SERPINB8: variants seen among roughly 807,000 people sequenced by gnomAD.
SERPINB8 encodes the protein serpin family B member 8, also known as serpin B8.
Under a neutral mutation model 35.3 loss-of-function variants are expected in SERPINB8, and 25 were observed. That is an observed-to-expected ratio of 0.71 (90% confidence interval 0.52 to 0.99). The LOEUF (loss-of-function observed/expected upper bound fraction) is 0.99, where lower values mean the gene tolerates loss of function less well. Ranked by LOEUF, SERPINB8 falls within the 50% of genes least tolerant of loss-of-function variation. The pLI is 0.00. For missense variants in SERPINB8, 484 were observed against 446.5 expected (o/e 1.08, Z -0.76); for synonymous variants, 186 against 160.8 (o/e 1.16, Z -1.19).
downstream of SERPINB8, among the ~76,000 whole-genome samples, chr18:63,992,169 C>A (rs1463042541): frequency 6.6e-6 from 1 of 152,014 alleles, no homozygotes; most frequent in Non-Finnish European, 1.5e-5. Context: ...AGAAACATAC[C>A]TACCTTTGCA....
intron 4 of SERPINB8, among the ~76,000 whole-genome samples, chr18:63,983,035 A>G (rs1042460330): frequency 3.3e-5 from 5 of 152,102 alleles, no homozygotes; most frequent in Admixed American, 6.5e-5. Context: ...TAGAGCAATG[A>G]TCCTCAACCA....
At chr18:63,986,185 G>A (rs151117166) in intron 6 of SERPINB8, 15 of 1,424,678 alleles carry the variant, frequency 1.1e-5, no homozygotes, top group Non-Finnish European at 1.5e-5. Context: ...CTGGGCTCCA[G>A]TTGTTAAAGG....
chr18:63,977,630 A>T (rs2050602905), intron 1 of SERPINB8, among the ~76,000 whole-genome samples: 1 of 152,182 alleles, frequency 6.6e-6, no homozygotes, highest in Non-Finnish European at 1.5e-5. Flanking sequence ...ACCCGTCCGC[A>T]CAAAGACCTT....
intron 4 of SERPINB8, 55 bp from the exon 5 acceptor site, chr18:63,983,524 G>A: frequency 6.4e-7 from 1 of 1,573,018 alleles, no homozygotes; most frequent in Non-Finnish European, 8.7e-7. Flanking sequence ...AGGGATTTTT[G>A]TAAAAGAATG....
chr18:63,973,733 T>C (rs2050531835), intron 1 of SERPINB8, among the ~76,000 whole-genome samples: 1 of 152,220 alleles, frequency 6.6e-6, no homozygotes, highest in South Asian at 2.1e-4. Flanking sequence ...GCACCATTTA[T>C]TAAATAGGGA....
intron 7 of SERPINB8, among the ~76,000 whole-genome samples, chr18:64,013,844 GA>G (rs2050937336): frequency 6.6e-6 from 1 of 152,192 alleles, no homozygotes; most frequent in South Asian, 2.1e-4. Context: ...AAGGAGAACA[GA>G]AACAGTGTCT....
intron 1 of SERPINB8, among the ~76,000 whole-genome samples, chr18:64,003,280 A>G (rs899559740): frequency 6.6e-6 from 1 of 152,084 alleles, no homozygotes; most frequent in African/African-American, 2.4e-5. Context: ...TGCCAATCAC[A>G]GGAGTAATGA....
At chr18:63,979,205 G>A (rs2050630670) in intron 2 of SERPINB8, among the ~76,000 whole-genome samples, 1 of 152,302 alleles carries the variant, frequency 6.6e-6, no homozygotes, top group Non-Finnish European at 1.5e-5. Flanking sequence ...CTTTGGACTG[G>A]GGGTGATCGA....
intron 1 of SERPINB8, among the ~76,000 whole-genome samples, chr18:64,003,754 G>A (rs1019310168): frequency 2.6e-5 from 4 of 152,114 alleles, no homozygotes; most frequent in African/African-American, 9.7e-5. Context: ...CCAGTGTCAG[G>A]CAGGTGAAAT....
At chr18:63,986,766 A>G (rs1287048342) in intron 6 of SERPINB8, 108 bp from the exon 7 acceptor site, 2 of 1,396,110 alleles carry the variant, frequency 1.4e-6, no homozygotes, top group South Asian at 1.4e-5. Flanking sequence ...TTCTTGGACC[A>G]GAACTCACCA....
At chr18:63,981,921 G>C in intron 4 of SERPINB8, 83 bp downstream of exon 4, 1 of 955,216 alleles carries the variant, frequency 1.0e-6, no homozygotes, top group Non-Finnish European at 1.6e-6. Flanking sequence ...CCAGGGTGTT[G>C]CCACTGTGAC....
chr18:63,973,309 A>T (rs1417337587), intron 1 of SERPINB8, among the ~76,000 whole-genome samples: 2 of 152,190 alleles, frequency 1.3e-5, no homozygotes, highest in Non-Finnish European at 2.9e-5. Flanking sequence ...GTGTCTGTTC[A>T]TATCCATTGC....
intron 2 of SERPINB8, among the ~76,000 whole-genome samples, chr18:63,979,532 A>G (rs980543584): frequency 6.6e-6 from 1 of 152,146 alleles, no homozygotes; most frequent in African/African-American, 2.4e-5. Context: ...TTTAGATCCC[A>G]TAACTGAGAG....
chr18:63,971,890 A>G (rs1328992157), intron 1 of SERPINB8, among the ~76,000 whole-genome samples: 3 of 151,934 alleles, frequency 2.0e-5, no homozygotes, highest in African/African-American at 7.2e-5. Context: ...CACACAAACC[A>G]TGCCCTTTGT....
intron 1 of SERPINB8, among the ~76,000 whole-genome samples, chr18:63,971,998 CTTTTTTT>C (rs71162692): frequency 6.7e-6 from 1 of 148,634 alleles, no homozygotes; most frequent in Non-Finnish European, 1.5e-5. Context: ...TTTCTTTTTT[CTTTTTTT>C]TTTTGATATG....
chr18:64,013,578 G>A (rs2050935821), intron 7 of SERPINB8, among the ~76,000 whole-genome samples: 1 of 152,106 alleles, frequency 6.6e-6, no homozygotes, highest in Non-Finnish European at 1.5e-5. Flanking sequence ...GGTAGTGTAG[G>A]TTATAATAAT....
At chr18:63,989,963 A>C (rs1044737902), downstream of SERPINB8, among the ~76,000 whole-genome samples, 9 of 149,436 alleles carry the variant, frequency 6.0e-5, no homozygotes, top group South Asian at 2.1e-4. Context: ...AAAAAAAAAA[A>C]AAAAAACCAA....
At chr18:63,974,509 G>C (rs771630393) in intron 1 of SERPINB8, among the ~76,000 whole-genome samples, 91 of 152,310 alleles carry the variant, frequency 6.0e-4, no homozygotes, top group Non-Finnish European at 1.2e-3. Context: ...CCTGTGGACA[G>C]TATTTAATTG....
At chr18:63,978,504 G>C (rs530981912) in intron 2 of SERPINB8, 28 bp downstream of exon 2, 1 of 1,611,122 alleles carries the variant, frequency 6.2e-7, no homozygotes, top group East Asian at 2.2e-5. Flanking sequence ...AAAGGAAGGA[G>C]AACAGTGTGT....
Sources: allele counts gnomAD v4.1 joint callset (sites outside exome capture counted in the v4.1 genomes callset), GRCh38; gene constraint gnomAD v4.1.1; transcripts MANE v1.5; gene names NCBI Gene and HGNC (gene_info 2026-07-23, HGNC 2026-07-21).